KIAA0825: variants seen among roughly 807,000 people sequenced by gnomAD.
KIAA0825 encodes the protein KIAA0825.
KIAA0825 carries 119 observed loss-of-function variants against 147.6 expected under a neutral mutation model. The observed-to-expected ratio is 0.81, with a 90% confidence interval of 0.69 to 0.94. KIAA0825 has a LOEUF of 0.94. Ranked by LOEUF, KIAA0825 falls within the 40% of genes least tolerant of loss-of-function variation. The pLI is 0.00. For synonymous variants in KIAA0825, 470 were observed against 518.1 expected, an observed-to-expected ratio of 0.91 and a Z score of 1.26; for missense variants, 1,381 against 1,472.7, an observed-to-expected ratio of 0.94 and a Z score of 1.02.
chr5:94,272,538 T>C (rs1324587632), intron 20 of KIAA0825, among the ~76,000 whole-genome samples: 1 of 152,114 alleles, frequency 6.6e-6, no homozygotes, highest in Admixed American at 6.6e-5. Context: ...AATACAAATT[T>C]TATTATTTCT....
At chr5:94,261,532 T>C (rs1207199687) in intron 20 of KIAA0825, among the ~76,000 whole-genome samples, 2 of 152,122 alleles carry the variant, frequency 1.3e-5, no homozygotes, top group Non-Finnish European at 2.9e-5. Context: ...TGTTGGTAGA[T>C]TGAGAGATAA....
intron 20 of KIAA0825, among the ~76,000 whole-genome samples, chr5:94,155,626 G>A (rs1562285743): frequency 2.6e-5 from 4 of 152,156 alleles, no homozygotes; most frequent in Admixed American, 2.0e-4. Context: ...ATGGAGAGAA[G>A]AAAGAGGATT....
chr5:94,246,195 C>T (rs1775601635), intron 20 of KIAA0825, among the ~76,000 whole-genome samples: 1 of 152,120 alleles, frequency 6.6e-6, no homozygotes, highest in Non-Finnish European at 1.5e-5. Flanking sequence ...ACCTTTTCTT[C>T]TTCTGGCAGG....
At chr5:94,426,020 G>GTATTATTATTAT (rs148552259) in intron 14 of KIAA0825, among the ~76,000 whole-genome samples, 1,660 of 147,912 alleles carry the variant, frequency 0.011, 23 homozygotes, top group African/African-American at 0.03. Flanking sequence ...GATAATTTTT[G>GTATTATTATTAT]TATTATTATT....
rs1584908498 is a variant in KIAA0825, at chr5:94,565,405, A to C, written c.-2+17028T>G. Reference sequence around the variant, plus strand: ...TTGCCCAGGCTGGGTGCAGTGGTGCAATCTCAGCTCACCGCAACCTCTGCC... The same window carrying C: ...TTGCCCAGGCTGGGTGCAGTGGTGCCATCTCAGCTCACCGCAACCTCTGCC... On this transcript the variant is annotated intron_variant, in intron 2 of 20. Coordinates refer to ENST00000682413, the MANE Select transcript of KIAA0825 (RefSeq NM_001145678.3). 2.7e-5 allele frequency among the ~76,000 whole-genome samples: 4 copies of C among 149,348 alleles called. No homozygotes were observed. In the East Asian group the frequency reaches 5.9e-4, roughly 22 times the overall value.
chr5:94,386,536 G>T, intron 18 of KIAA0825, 132 bp from the exon 19 acceptor site: 1 of 703,560 alleles, frequency 1.4e-6, no homozygotes, highest in Non-Finnish European at 2.3e-6. Context: ...CCTCAGGGAA[G>T]AATATATTTT....
rs563325175 is a variant in KIAA0825, at chr5:94,338,905, C to T, written c.3710+45463G>A. On this transcript the variant is annotated intron_variant, in intron 20 of 20. Transcript: ENST00000682413. ...AATAGGAAAGTCCTTTTCTCTATTACAATAATAAAGACTATAATGGCCCAT... is the reference window on the plus strand; with the variant it reads ...AATAGGAAAGTCCTTTTCTCTATTATAATAATAAAGACTATAATGGCCCAT... Among the ~76,000 whole-genome samples the T allele has an allele frequency of 3.3e-5, 5 of 151,906 alleles. No individual in the cohort carries two copies. In the South Asian group the frequency reaches 1.0e-3, roughly 32 times the overall value.
chr5:94,326,819 G>C (rs1780740299), intron 20 of KIAA0825, among the ~76,000 whole-genome samples: 1 of 152,170 alleles, frequency 6.6e-6, no homozygotes, highest in Non-Finnish European at 1.5e-5. Flanking sequence ...AAAAGGCTTT[G>C]ATACCCCCTA....
intron 20 of KIAA0825, among the ~76,000 whole-genome samples, chr5:94,230,109 C>G (rs1485949013): frequency 1.3e-5 from 2 of 152,120 alleles, no homozygotes; most frequent in Non-Finnish European, 2.9e-5. Context: ...TTCACTGGAG[C>G]TGGAATTTTT....
intron 20 of KIAA0825, among the ~76,000 whole-genome samples, chr5:94,204,196 A>G (rs1316182900): frequency 6.6e-6 from 1 of 152,186 alleles, no homozygotes; most frequent in Non-Finnish European, 1.5e-5. Flanking sequence ...GATAATTGCT[A>G]ATTCAGTTAA....
intron 2 of KIAA0825, among the ~76,000 whole-genome samples, chr5:94,542,489 T>C (rs139349425): frequency 3.3e-5 from 5 of 152,330 alleles, no homozygotes; most frequent in African/African-American, 7.2e-5. Context: ...TATGGCAATA[T>C]AGTTATTTGC....
At chr5:94,331,165 A>T (rs1473541640) in intron 20 of KIAA0825, among the ~76,000 whole-genome samples, 4 of 151,498 alleles carry the variant, frequency 2.6e-5, no homozygotes, top group Admixed American at 6.6e-5. Flanking sequence ...AGAGAGAGAG[A>T]GAAAGAAAGA....
chr5:94,316,485 A>C (rs917931853), intron 20 of KIAA0825, among the ~76,000 whole-genome samples: 4 of 151,678 alleles, frequency 2.6e-5, no homozygotes, highest in Admixed American at 1.3e-4. Context: ...CTATATTTCC[A>C]ATCTACTTCA....
At chr5:94,428,967 T>C (rs35296548) in intron 14 of KIAA0825, among the ~76,000 whole-genome samples, 17,375 of 152,194 alleles carry the variant, frequency 0.11, 1,148 homozygotes, top group Middle Eastern at 0.19. Context: ...ATTTTTTTCT[T>C]CTAATTGGTC....
At chr5:94,558,883 C>T (rs890169808) in intron 2 of KIAA0825, among the ~76,000 whole-genome samples, 2 of 152,216 alleles carry the variant, frequency 1.3e-5, no homozygotes, top group Non-Finnish European at 2.9e-5. Flanking sequence ...CACAGACACA[C>T]AGAGAAGGAT....
chr5:94,389,502 C>A (rs1180147995), intron 18 of KIAA0825, among the ~76,000 whole-genome samples: 1 of 152,152 alleles, frequency 6.6e-6, no homozygotes, highest in African/African-American at 2.4e-5. Flanking sequence ...TTATCTTTAT[C>A]TCAAAGACAA....
Position 94,439,977 on chromosome 5 carries a change from C to G in KIAA0825, c.2497+5G>C. ...GAGGACATTCTTATAACTACACATA[C>G]TCACTTGAGCTCTTCAGCAAGATTC... On this transcript the variant is annotated splice_donor_5th_base_variant and intron_variant, in intron 14 of 20. Transcript: ENST00000682413. 6.5e-7 allele frequency: 1 copy of G among 1,550,028 alleles called. No individual in the cohort carries two copies. The highest frequency in any genetic ancestry group is 1.2e-5 in the South Asian group (1 of 83,598).
At chr5:94,599,880 T>A (rs1786042581) in intron 1 of KIAA0825, among the ~76,000 whole-genome samples, 1 of 152,140 alleles carries the variant, frequency 6.6e-6, no homozygotes, top group Admixed American at 6.5e-5. Flanking sequence ...TGATTTAGGT[T>A]TTAGCAAGTT....
At chr5:94,246,218 A>G (rs906545816) in intron 20 of KIAA0825, among the ~76,000 whole-genome samples, 4 of 152,154 alleles carry the variant, frequency 2.6e-5, no homozygotes, top group Non-Finnish European at 5.9e-5. Flanking sequence ...GAGGCAAAGC[A>G]AAATATTTTC....
Sources: allele counts gnomAD v4.1 joint callset (sites outside exome capture counted in the v4.1 genomes callset), GRCh38; gene constraint gnomAD v4.1.1; transcripts MANE v1.5; gene names NCBI Gene and HGNC (gene_info 2026-07-23, HGNC 2026-07-21).